The following MED15 variants were observed in gnomAD, a reference collection of about 807,000 sequenced individuals.
MED15 encodes mediator of RNA polymerase II transcription subunit 15.
Under a neutral mutation model 118.7 loss-of-function variants are expected in MED15, and 41 were observed. That is an observed-to-expected ratio of 0.35 (90% CI 0.27 to 0.45). The LOEUF (loss-of-function observed/expected upper bound fraction) is 0.45. Among genes scored for constraint, MED15 ranks in the 20% least tolerant of loss-of-function variants. The pLI is 1.00. For synonymous variants in MED15, 436 were observed against 413.9 expected, an observed-to-expected ratio of 1.05 and a Z score of -0.65; for missense variants, 740 against 1,025.5, an observed-to-expected ratio of 0.72 and a Z score of 3.80.
At position 20,586,892 on chromosome 22, in the gene MED15, G is replaced by A; in HGVS notation, c.*188G>A. The A allele has an allele frequency of 1.1e-6, 1 of 940,772 alleles. No homozygotes were observed. The highest frequency in any genetic ancestry group is 1.9e-5 in the South Asian group (1 of 51,800). The allele number at this position is 940,772 out of a possible 1,614,324, so 58.3% of individuals were successfully genotyped here. ...ACAGAACTGGGATAGGCGCAGTGGAGCGGGTTGCTTGGGGGGCGTTGGCCG... is the reference window on the plus strand; with the variant it reads ...ACAGAACTGGGATAGGCGCAGTGGAACGGGTTGCTTGGGGGGCGTTGGCCG... On this transcript the variant is annotated 3_prime_UTR_variant, in exon 18 of 18. Transcript: ENST00000263205.
intron 7 of MED15, 89 bp from the exon 8 acceptor site, chr22:20,568,432 G>C: frequency 1.6e-5 from 25 of 1,536,080 alleles, no homozygotes; most frequent in Non-Finnish European, 2.1e-5. Flanking sequence ...CCTCAAGAAA[G>C]GCTCCATTTC....
chr22:20,586,191 G>T (rs887024019), intron 17 of MED15, among the ~76,000 whole-genome samples: 7 of 152,208 alleles, frequency 4.6e-5, no homozygotes, highest in African/African-American at 1.2e-4. Flanking sequence ...GGGCTGCCAG[G>T]TTCCACTGGT....
intron 9 of MED15, among the ~76,000 whole-genome samples, chr22:20,576,096 A>AT (rs1282212169): frequency 6.6e-6 from 1 of 152,138 alleles, no homozygotes; most frequent in Non-Finnish European, 1.5e-5. Flanking sequence ...TGGCATAGTC[A>AT]TTTTTTTAAC....
chr22:20,570,149 C>T (rs555076983), intron 8 of MED15, among the ~76,000 whole-genome samples: 2 of 152,156 alleles, frequency 1.3e-5, no homozygotes, highest in South Asian at 4.2e-4. Flanking sequence ...CTCAGGTTCC[C>T]GAGTAGCTGG....
intron 1 of MED15, among the ~76,000 whole-genome samples, chr22:20,528,736 G>A (rs1569182362): frequency 6.6e-6 from 1 of 152,172 alleles, no homozygotes. Flanking sequence ...GGCAGTTAGC[G>A]TGCATCGATC....
Position 20,584,380 on chromosome 22 carries a change from A to G in MED15, c.1758A>G (p.Gln586=), listed in dbSNP as rs1222222173. 4 of 1,613,762 alleles carry G rather than the reference A, an allele frequency of 2.5e-6. No homozygotes were observed. The highest frequency in any genetic ancestry group is 2.2e-5 in the East Asian group (1 of 44,866). ...PSKRCPLKTL[Q]KCEIALEKLK... ...GCAGGTGTCCCCTGAAGACCTTGCA[A>G]AAGTGTGAGATCGCCCTGGAGAAAC... The change falls in exon 14 of 18, where the codon CAA becomes CAG. Residue 586 remains glutamine (Q), a synonymous_variant. Coordinates refer to ENST00000263205, the MANE Select transcript of MED15 (RefSeq NM_001003891.3).
intron 9 of MED15, among the ~76,000 whole-genome samples, chr22:20,579,517 G>T (rs1004249772): frequency 6.6e-6 from 1 of 152,008 alleles, no homozygotes; most frequent in Non-Finnish European, 1.5e-5. Flanking sequence ...AGCAAGGAAC[G>T]GTTCCCAGTA....
intron 1 of MED15, among the ~76,000 whole-genome samples, chr22:20,511,988 C>CTTTTTTTTTTTTT (rs746240328): frequency 5.1e-4 from 47 of 92,206 alleles, no homozygotes; most frequent in Non-Finnish European, 6.3e-4. Flanking sequence ...ACATTCTAAG[C>CTTTTTTTTTTTTT]TTTTTTTTTT....
At chr22:20,508,152 A>G in intron 1 of MED15, 1 of 1,220,782 alleles carries the variant, frequency 8.2e-7, no homozygotes, top group Non-Finnish European at 1.0e-6. Context: ...CAACGGTGAA[A>G]GAAAGTGATG....
At chr22:20,540,167 G>A (rs931346675) in intron 2 of MED15, among the ~76,000 whole-genome samples, 2 of 152,078 alleles carry the variant, frequency 1.3e-5, no homozygotes, top group South Asian at 4.1e-4. Flanking sequence ...TTTACCCAAG[G>A]GGGGCTGTGG....
chr22:20,507,716 C>T lies in MED15; in HGVS notation c.38C>T (p.Thr13Ile). The change falls in exon 1 of 18, where the codon ACC (threonine) becomes ATC (isoleucine). Residue 13 changes from threonine to isoleucine, a missense_variant. Thr to Ile is a moderately conservative substitution (Grantham distance 89, BLOSUM62 -1). Around this residue, in one of 7 missense-constraint regions of MED15, gnomAD observed 23 missense variants for 20.2 expected, o/e 1.14. Transcript: ENST00000263205. The part of the protein sequence containing the change: ...VSGQETDWRS[T>I]AFRQKLVSQI... ...GGGCAAGAGACCGACTGGCGGAGCA[C>T]CGCCTTCCGGCAGAAGCTGGTCAGT... 2 of 1,614,030 alleles carry T rather than the reference C, an allele frequency of 1.2e-6. No individual in the cohort carries two copies. Among genetic ancestry groups the T allele is most frequent in the Non-Finnish European group, 1.7e-6 (2 of 1,179,940 alleles).
intron 5 of MED15, 43 bp from the exon 6 acceptor site, chr22:20,564,406 GA>G: frequency 6.2e-7 from 1 of 1,607,764 alleles, no homozygotes; most frequent in Non-Finnish European, 8.5e-7. Flanking sequence ...GCGTTTCTGG[GA>G]ATCTGCCCTG....
In MED15 at chr22:20,585,019, T is replaced by G. The variant is rs746691220; in HGVS notation, c.1964+4T>G. 2 of 1,613,846 alleles carry G rather than the reference T, an allele frequency of 1.2e-6. No individual in the cohort carries two copies. Among genetic ancestry groups the G allele is most frequent in the Non-Finnish European group, 1.7e-6 (2 of 1,179,978 alleles). On this transcript the variant is annotated splice_donor_region_variant and intron_variant, in intron 15 of 17. Transcript: ENST00000263205. ...CCATTCACGGCCCACCCATCACGTATGTCCAGCTGGGCTGGGCTTTGCGGA... is the reference window on the plus strand; with the variant it reads ...CCATTCACGGCCCACCCATCACGTAGGTCCAGCTGGGCTGGGCTTTGCGGA...
chr22:20,582,100 T>G, intron 9 of MED15: 1 of 175,574 alleles, frequency 5.7e-6, no homozygotes, highest in Non-Finnish European at 1.2e-5. Context: ...TGCAGCAGCA[T>G]GTGTTAACCA....
rs1376595083 is a variant in MED15 at position 20,568,638 on chromosome 22, G to A, written c.1152+7G>A. 8.7e-6 allele frequency: 14 copies of A among 1,612,050 alleles called. No homozygotes were observed. The highest frequency in any genetic ancestry group is 2.2e-5 in the South Asian group (2 of 90,834). On this transcript the variant is annotated splice_region_variant and intron_variant, in intron 8 of 17. Transcript: ENST00000263205. ...GGTGGCTCCCGGAGTCCAGGTGAGG[G>A]CCTGGGGGTGGAGGGCTCCATAGTC...
chr22:20,582,814 C>T (rs2057029181), intron 10 of MED15, 26 bp from the exon 11 acceptor site: 2 of 1,607,348 alleles, frequency 1.2e-6, no homozygotes, highest in East Asian at 2.2e-5. Context: ...GACCCCGGCT[C>T]ACATGTTTCT....
chr22:20,585,405 C>T, intron 16 of MED15, 138 bp downstream of exon 16: 3 of 1,165,306 alleles, frequency 2.6e-6, no homozygotes, highest in Non-Finnish European at 3.6e-6. Flanking sequence ...CTGCTCTATC[C>T]TCACACACAC....
chr22:20,576,459 A>G (rs1465224853), intron 9 of MED15, among the ~76,000 whole-genome samples: 2 of 152,244 alleles, frequency 1.3e-5, no homozygotes, highest in African/African-American at 4.8e-5. Flanking sequence ...CACACCACAC[A>G]CTGCCAAGAA....
rs546551910 is a variant in MED15 at position 20,547,875 on chromosome 22, T to C, written c.157-3561T>C. ...TTAGCTGGACATGGTACTGCATGCA[T>C]GTAGTCCCAGCTGCTCAGGAGGCTG... On this transcript the variant is annotated intron_variant, in intron 2 of 17. Transcript: ENST00000263205. Among the ~76,000 whole-genome samples, 29 of 152,240 alleles carry C rather than the reference T, an allele frequency of 1.9e-4. No homozygotes were observed. The South Asian group carries it at 3.5e-3, about 19-fold the overall frequency.
Sources: allele counts gnomAD v4.1 joint callset (sites outside exome capture counted in the v4.1 genomes callset), GRCh38; gene constraint gnomAD v4.1.1; regional missense constraint gnomAD v4.1.1; transcripts MANE v1.5; gene names NCBI Gene and HGNC (gene_info 2026-07-23, HGNC 2026-07-21).